KIZ: variants seen among roughly 807,000 people sequenced by gnomAD.
KIZ encodes centrosomal protein kizuna.
In KIZ, 68 loss-of-function variants were observed where a neutral mutation model predicts 79.6. The observed-to-expected ratio is 0.85, with a 90% CI of 0.70 to 1.05. The LOEUF (loss-of-function observed/expected upper bound fraction) is 1.05, where lower values mean the gene tolerates loss of function less well. Ranked by LOEUF, KIZ falls within the 50% of genes least tolerant of loss-of-function variation. KIZ has a pLI of 0.00. For missense variants in KIZ, 797 were observed against 800.4 expected (o/e 1.00, Z 0.05); for synonymous variants, 280 against 281.8 (o/e 0.99, Z 0.06).
At chr20:21,143,450 A>C (rs866212421) in intron 3 of KIZ, among the ~76,000 whole-genome samples, 2 of 152,366 alleles carry the variant, frequency 1.3e-5, no homozygotes, top group African/African-American at 4.8e-5. Context: ...GTTTGTGAGC[A>C]TGGAGAGAAA....
intron 6 of KIZ, among the ~76,000 whole-genome samples, chr20:21,202,135 A>G (rs1600525122): frequency 6.6e-6 from 1 of 152,224 alleles, no homozygotes; most frequent in Non-Finnish European, 1.5e-5. Flanking sequence ...TGGGTGGTGT[A>G]TTAGTAACAA....
At chr20:21,181,951 C>T (rs1009909649) in intron 6 of KIZ, among the ~76,000 whole-genome samples, 1 of 152,218 alleles carries the variant, frequency 6.6e-6, no homozygotes, top group Non-Finnish European at 1.5e-5. Flanking sequence ...TTGGTTGGTA[C>T]TGCCCATCAC....
intron 6 of KIZ, among the ~76,000 whole-genome samples, chr20:21,184,178 G>A (rs2034778177): frequency 7.0e-6 from 1 of 142,580 alleles, no homozygotes; most frequent in South Asian, 2.2e-4. Flanking sequence ...TCAGAGTCTC[G>A]CTGTTGTTGC....
At chr20:21,189,937 A>G (rs957708097) in intron 6 of KIZ, among the ~76,000 whole-genome samples, 3 of 152,148 alleles carry the variant, frequency 2.0e-5, no homozygotes, top group Non-Finnish European at 4.4e-5. Context: ...GGGCTGCACA[A>G]TGGAGATTGA....
intron 6 of KIZ, among the ~76,000 whole-genome samples, chr20:21,170,579 G>T (rs2034159355): frequency 6.6e-6 from 1 of 151,908 alleles, no homozygotes. Flanking sequence ...TAGTAGAGAT[G>T]GGGTTTCACC....
intron 11 of KIZ, among the ~76,000 whole-genome samples, chr20:21,241,281 T>TA (rs2037207233): frequency 6.6e-6 from 1 of 152,136 alleles, no homozygotes; most frequent in South Asian, 2.1e-4. Context: ...TTCTGTATAA[T>TA]AAAAAATCAA....
chr20:21,157,400 A>G (rs2033436660), intron 4 of KIZ, among the ~76,000 whole-genome samples: 1 of 152,196 alleles, frequency 6.6e-6, no homozygotes, highest in Non-Finnish European at 1.5e-5. Flanking sequence ...CAGTATTCCA[A>G]GAAGTCTGGC....
chr20:21,156,917 A>G (rs6047277), intron 4 of KIZ, among the ~76,000 whole-genome samples: 88,121 of 151,960 alleles, frequency 0.58, 27,157 homozygotes, highest in South Asian at 0.78. Flanking sequence ...AACACTGTTA[A>G]GGGAGTGTTT....
intron 9 of KIZ, among the ~76,000 whole-genome samples, chr20:21,228,633 G>A (rs1312654713): frequency 6.6e-6 from 1 of 152,162 alleles, no homozygotes; most frequent in Non-Finnish European, 1.5e-5. Context: ...AAGAGCCAGA[G>A]CAAAGAGAGT....
intron 9 of KIZ, among the ~76,000 whole-genome samples, chr20:21,217,852 G>A (rs193056106): frequency 2.7e-4 from 41 of 152,288 alleles, no homozygotes; most frequent in Non-Finnish European, 4.3e-4. Context: ...AACCAGCTAT[G>A]AGGAGCCTCA....
At chr20:21,159,545 GCAAA>G (rs2033557587) in intron 4 of KIZ, among the ~76,000 whole-genome samples, 1 of 151,862 alleles carries the variant, frequency 6.6e-6, no homozygotes, top group Admixed American at 6.6e-5. Flanking sequence ...CCAGCCTGGG[GCAAA>G]CAGTTAACTA....
At chr20:21,216,433 T>G (rs1568986491) in intron 9 of KIZ, among the ~76,000 whole-genome samples, 1 of 152,218 alleles carries the variant, frequency 6.6e-6, no homozygotes, top group Non-Finnish European at 1.5e-5. Flanking sequence ...AAGAATGGCT[T>G]GCTTTTATGG....
At chr20:21,136,825 T>C (rs148408481) in intron 3 of KIZ, among the ~76,000 whole-genome samples, 132 of 152,342 alleles carry the variant, frequency 8.7e-4, no homozygotes, top group African/African-American at 2.9e-3. Flanking sequence ...TAATGAGTAC[T>C]AAGTTTCAGA....
intron 6 of KIZ, among the ~76,000 whole-genome samples, chr20:21,203,008 C>T (rs1205629487): frequency 1.3e-5 from 2 of 152,142 alleles, no homozygotes; most frequent in African/African-American, 4.8e-5. Context: ...ATACATCTAA[C>T]ATATAAGGAT....
chr20:21,132,999 T>A (rs1394682151), intron 2 of KIZ: 1 of 152,248 alleles, frequency 6.6e-6, no homozygotes, highest in Non-Finnish European at 1.5e-5. Context: ...TTAAATATTT[T>A]AATTTCTATT....
intron 7 of KIZ, among the ~76,000 whole-genome samples, chr20:21,206,889 T>A (rs1036436362): frequency 6.6e-6 from 1 of 152,032 alleles, no homozygotes; most frequent in African/African-American, 2.4e-5. Context: ...TGGAGCAAGT[T>A]CCCAAGGAAA....
At chr20:21,228,454 C>T (rs541586747) in intron 9 of KIZ, among the ~76,000 whole-genome samples, 1 of 152,320 alleles carries the variant, frequency 6.6e-6, no homozygotes, top group African/African-American at 2.4e-5. Flanking sequence ...CTGTGGACAC[C>T]TGGCTTTGCT....
chr20:21,145,611 G>A lies in KIZ; in HGVS notation c.362G>A (p.Ser121Asn), dbSNP rs1267960409. 1.3e-6 allele frequency: 2 copies of A among 1,529,776 alleles called. No individual in the cohort carries two copies. The highest frequency in any genetic ancestry group is 4.1e-5 in the Admixed American group (2 of 49,078). The allele number at this position is 1,529,776 out of a possible 1,614,324, so 94.8% of individuals were successfully genotyped here. A position where few individuals can be genotyped will look rare whatever the true frequency, so the allele number is the denominator to read the frequency against. ...QIKKMLCSKDSLGLKEELTDE... is the reference protein window; with the variant it reads ...QIKKMLCSKDNLGLKEELTDE... ...AAGAAGATGCTATGCTCAAAAGATA[G>A]CCTGGGACTAAAAGAGGAACTGACA... The change falls in exon 4 of 13, where the codon AGC (serine) becomes AAC (asparagine). Residue 121 changes from serine to asparagine, a missense_variant. Coordinates refer to ENST00000619189, the MANE Select transcript of KIZ (RefSeq NM_018474.6).
chr20:21,162,547 G>A (rs1435411423), intron 5 of KIZ, 40 bp downstream of exon 5: 1 of 1,528,576 alleles, frequency 6.5e-7, no homozygotes, highest in South Asian at 1.2e-5. Context: ...ATTTTTCTGG[G>A]TGGTAGTGAT....
Sources: allele counts gnomAD v4.1 joint callset (sites outside exome capture counted in the v4.1 genomes callset), GRCh38; gene constraint gnomAD v4.1.1; transcripts MANE v1.5; gene names NCBI Gene and HGNC (gene_info 2026-07-23, HGNC 2026-07-21).